PDE1C: variants seen among roughly 807,000 people sequenced by gnomAD.
PDE1C encodes phosphodiesterase 1C, also known as dual specificity calcium/calmodulin-dependent 3',5'-cyclic nucleotide phosphodiesterase 1C.
In PDE1C, 62 loss-of-function variants were observed where a neutral mutation model predicts 93.1. The ratio of observed to expected loss-of-function variants is 0.67; its 90% confidence interval spans 0.54 to 0.82. The LOEUF (loss-of-function observed/expected upper bound fraction) is 0.82, where lower values mean the gene tolerates loss of function less well. PDE1C is among the 40% of genes least tolerant of loss of function. PDE1C has a pLI of 0.00. For synonymous variants in PDE1C, 325 were observed against 310.1 expected, an observed-to-expected ratio of 1.05 and a Z score of -0.50; for missense variants, 742 against 884.6, an observed-to-expected ratio of 0.84 and a Z score of 2.04.
intron 1 of PDE1C, among the ~76,000 whole-genome samples, chr7:32,287,454 C>A (rs939482990): frequency 1.3e-5 from 2 of 152,236 alleles, no homozygotes; most frequent in Non-Finnish European, 2.9e-5. Flanking sequence ...CTGGGCATGA[C>A]CACAGCACCC....
chr7:31,666,741 G>A, the PDE1C span, among the ~76,000 whole-genome samples: 1 of 151,924 alleles, frequency 6.6e-6, no homozygotes, highest in African/African-American at 2.4e-5. Context: ...CACCCCAAAT[G>A]TCCCCTTATG....
rs759158938 is a variant in PDE1C, at chr7:32,261,528, C to T, written c.85+37123G>A. Among the ~76,000 whole-genome samples, 9 of 152,192 alleles carry T rather than the reference C, an allele frequency of 5.9e-5. No homozygotes were observed. The South Asian group carries it at 6.2e-4, about 11-fold the overall frequency. On this transcript the variant is annotated intron_variant, in intron 1 of 18. Coordinates refer to the PDE1C transcript ENST00000396193. ...AGCTCTGCGTGAATTACTCTTTCTC[C>T]ATTGCAATTCCCCGTCTTGATAAAT... is the stretch of plus-strand genomic sequence containing the variant.
chr7:32,126,828 A>G (rs1173161436), intron 3 of PDE1C, among the ~76,000 whole-genome samples: 1 of 152,178 alleles, frequency 6.6e-6, no homozygotes. Context: ...TTAAAATCAA[A>G]TTAGAAGTAA....
intron 16 of PDE1C, among the ~76,000 whole-genome samples, chr7:31,779,644 T>G (rs958082483): frequency 7.9e-5 from 12 of 152,094 alleles, no homozygotes; most frequent in Non-Finnish European, 1.6e-4. Flanking sequence ...ATGAGCCATA[T>G]ACAGGTAGCA....
At chr7:31,900,991 A>G (rs1488167154) in intron 2 of PDE1C, among the ~76,000 whole-genome samples, 1 of 150,246 alleles carries the variant, frequency 6.7e-6, no homozygotes, top group Non-Finnish European at 1.5e-5. Flanking sequence ...ATTACATAGT[A>G]AACCAGGAAT....
chr7:32,160,020 T>C (rs979099148), intron 3 of PDE1C, among the ~76,000 whole-genome samples: 3 of 152,100 alleles, frequency 2.0e-5, no homozygotes, highest in Non-Finnish European at 2.9e-5. Context: ...GACCATCTGA[T>C]GCTGAACCAC....
At chr7:32,076,673 GA>G (rs930943373) in intron 3 of PDE1C, among the ~76,000 whole-genome samples, 6 of 145,180 alleles carry the variant, frequency 4.1e-5, no homozygotes, top group Non-Finnish European at 4.5e-5. Context: ...AAAGAAAAAA[GA>G]AAAAAAAATG....
chr7:32,424,789 C>T (rs1168527738), intron 1 of PDE1C, among the ~76,000 whole-genome samples: 7 of 152,042 alleles, frequency 4.6e-5, no homozygotes, highest in South Asian at 2.1e-4. Context: ...GGTGGTCCCA[C>T]GGCACTCCAG....
intron 2 of PDE1C, among the ~76,000 whole-genome samples, chr7:32,035,698 C>A (rs181658541): frequency 1.5e-4 from 23 of 152,214 alleles, no homozygotes; most frequent in African/African-American, 5.3e-4. Context: ...AATGAGTTGC[C>A]AAAAGCCAGA....
At chr7:31,853,854 A>G (rs1236988586) in intron 7 of PDE1C, among the ~76,000 whole-genome samples, 6 of 148,502 alleles carry the variant, frequency 4.0e-5, no homozygotes, top group African/African-American at 1.5e-4. Flanking sequence ...CTGGGACCAT[A>G]GGCACCCACT....
intron 3 of PDE1C, among the ~76,000 whole-genome samples, chr7:32,119,657 G>A (rs1322925419): frequency 6.6e-6 from 1 of 151,870 alleles, no homozygotes; most frequent in East Asian, 2.0e-4. Flanking sequence ...AGAGCAGTGT[G>A]GTGCAGCAGC....
chr7:32,027,795 G>A (rs1382861135), intron 2 of PDE1C, among the ~76,000 whole-genome samples: 1 of 150,520 alleles, frequency 6.6e-6, no homozygotes, highest in East Asian at 2.0e-4. Context: ...TCTAGTGATT[G>A]CCATTTTCCT....
In PDE1C at chr7:31,867,340, T is replaced by C. The variant is rs190471541; in HGVS notation, c.610-2258A>G. Reference sequence around the variant, plus strand: ...GCTGCCACTGAAAGCAACAATACCCTCCACAGTAGCAGGGCTGCAGATCCA... The same window carrying C: ...GCTGCCACTGAAAGCAACAATACCCCCCACAGTAGCAGGGCTGCAGATCCA... On this transcript the variant is annotated intron_variant, in intron 6 of 17. Transcript: ENST00000396191. Among the ~76,000 whole-genome samples the C allele has an allele frequency of 2.5e-3, 379 of 152,026 alleles. 1 individual carries two copies. Among genetic ancestry groups the C allele is most frequent in the African/African-American group, 8.7e-3 (360 of 41,456 alleles).
At chr7:31,952,120 A>G (rs548941317) in intron 2 of PDE1C, among the ~76,000 whole-genome samples, 2 of 152,296 alleles carry the variant, frequency 1.3e-5, no homozygotes, top group South Asian at 4.1e-4. Context: ...AGTATCATAC[A>G]TGTAGTAAGT....
intron 3 of PDE1C, among the ~76,000 whole-genome samples, chr7:32,164,730 T>A (rs1802122021): frequency 6.6e-6 from 1 of 152,170 alleles, no homozygotes; most frequent in Non-Finnish European, 1.5e-5. Flanking sequence ...TGTGGTACCA[T>A]CTGAGCCAGG....
At chr7:31,946,394 G>A (rs112546290) in intron 2 of PDE1C, among the ~76,000 whole-genome samples, 9 of 152,150 alleles carry the variant, frequency 5.9e-5, no homozygotes, top group East Asian at 1.9e-4. Flanking sequence ...AAAACCCCTC[G>A]TGGCTTGGAT....
intron 2 of PDE1C, among the ~76,000 whole-genome samples, chr7:32,028,615 T>C (rs765511880): frequency 1.3e-5 from 2 of 152,166 alleles, no homozygotes; most frequent in Non-Finnish European, 2.9e-5. Flanking sequence ...TACAAAGTGA[T>C]GTTATAATTT....
At chr7:31,985,497 T>A (rs183953564) in intron 2 of PDE1C, among the ~76,000 whole-genome samples, 19 of 152,308 alleles carry the variant, frequency 1.2e-4, no homozygotes, top group African/African-American at 4.6e-4. Flanking sequence ...TAGCTATACA[T>A]GTGCCATGTT....
At chr7:32,055,199 C>A (rs1793907453) in intron 1 of PDE1C, among the ~76,000 whole-genome samples, 1 of 152,128 alleles carries the variant, frequency 6.6e-6, no homozygotes, top group South Asian at 2.1e-4. Context: ...TCTTTTTATT[C>A]TTTTTCCTTC....
Sources: gnomAD v4.1 joint callset for allele counts (sites outside exome capture counted in the v4.1 genomes callset) on GRCh38, gnomAD v4.1.1 for gene constraint, MANE v1.5 for transcripts, NCBI Gene and HGNC (gene_info 2026-07-23, HGNC 2026-07-21) for gene names.